WNT2: variants seen among roughly 807,000 people sequenced by gnomAD.
The protein encoded by WNT2 is protein Wnt-2.
In WNT2, 12 loss-of-function variants were observed where a neutral mutation model predicts 36.9. The observed-to-expected ratio is 0.33, with a 90% CI of 0.21 to 0.53. The LOEUF is 0.53. WNT2 is among the 20% of genes least tolerant of loss of function. The probability of loss-of-function intolerance (pLI) is 0.95; values close to 1 mark genes in which losing one functional copy is unlikely to be tolerated. For synonymous variants in WNT2, 163 were observed against 174.6 expected (o/e 0.93, Z 0.52); for missense variants, 379 against 473.1 (o/e 0.80, Z 1.84).
chr7:117,307,062 T>A (rs1322550625), intron 3 of WNT2, among the ~76,000 whole-genome samples: 1 of 152,136 alleles, frequency 6.6e-6, no homozygotes, highest in Non-Finnish European at 1.5e-5. Context: ...CATTTTTTAG[T>A]GTTCTTTTTT....
At chr7:117,282,059 A>T (rs1033662879) in intron 4 of WNT2, among the ~76,000 whole-genome samples, 3 of 152,210 alleles carry the variant, frequency 2.0e-5, no homozygotes, top group South Asian at 2.1e-4. Context: ...GTTTTGCAGC[A>T]GTAGATATCT....
At chr7:117,289,957 TTATGCTTGACCA>T (rs1228190359) in intron 4 of WNT2, among the ~76,000 whole-genome samples, 1 of 152,094 alleles carries the variant, frequency 6.6e-6, no homozygotes, top group Non-Finnish European at 1.5e-5. Flanking sequence ...ACTCGCAGGT[TTATGCTTGACCA>T]TGGAAGTGGG....
At chr7:117,315,845 A>C (rs2116387958) in intron 2 of WNT2, among the ~76,000 whole-genome samples, 1 of 152,342 alleles carries the variant, frequency 6.6e-6, no homozygotes, top group African/African-American at 2.4e-5. Flanking sequence ...TATGCACTTA[A>C]ATTATTGAGA....
chr7:117,317,368 A>G (rs1795242424), intron 2 of WNT2, among the ~76,000 whole-genome samples: 1 of 152,248 alleles, frequency 6.6e-6, no homozygotes, highest in Non-Finnish European at 1.5e-5. Flanking sequence ...TTTCCAAAGC[A>G]AAAATATGAC....
In WNT2 at chr7:117,284,862, G is replaced by A. The variant is rs552789139; in HGVS notation, c.854-6478C>T. 2.6e-5 allele frequency among the ~76,000 whole-genome samples: 4 copies of A among 152,364 alleles called. No individual in the cohort carries two copies. Among genetic ancestry groups the A allele is most frequent in the African/African-American group, 9.6e-5 (4 of 41,594 alleles). On this transcript the variant is annotated intron_variant, in intron 4 of 4. Coordinates refer to ENST00000265441, the MANE Select transcript of WNT2 (RefSeq NM_003391.3). This position sits in a 1 kb window ranked among gnomAD's most constrained non-coding sequence, Gnocchi z 5.2. ...GGAAATGGAGATTCAGGAAGATTAA[G>A]TAACTTGCCCAAGATCACACAGGCA...
intron 3 of WNT2, among the ~76,000 whole-genome samples, 161 bp from the exon 4 acceptor site, chr7:117,298,037 A>G (rs1794827825): frequency 6.6e-6 from 1 of 152,162 alleles, no homozygotes; most frequent in Non-Finnish European, 1.5e-5. Flanking sequence ...TGTTAGCCAC[A>G]TTAGCCACCT....
chr7:117,319,567 G>T (rs1275179580), intron 2 of WNT2, among the ~76,000 whole-genome samples: 1 of 151,800 alleles, frequency 6.6e-6, no homozygotes, highest in African/African-American at 2.4e-5. Flanking sequence ...TCCTATTTTG[G>T]GGGTTTGCAC....
At chr7:117,287,071 G>C (rs1280322134) in intron 4 of WNT2, among the ~76,000 whole-genome samples, 1 of 152,180 alleles carries the variant, frequency 6.6e-6, no homozygotes, top group Admixed American at 6.5e-5. Flanking sequence ...ACTCTCGGCC[G>C]GGCACGGTGG....
chr7:117,318,236 CT>C (rs35675994), intron 2 of WNT2, among the ~76,000 whole-genome samples: 1 of 152,186 alleles, frequency 6.6e-6, no homozygotes, highest in Non-Finnish European at 1.5e-5. Flanking sequence ...TAAGACGTAA[CT>C]TTTTCTCCAA....
intron 4 of WNT2, among the ~76,000 whole-genome samples, chr7:117,283,607 A>T (rs1794533593): frequency 6.6e-6 from 1 of 152,186 alleles, no homozygotes; most frequent in African/African-American, 2.4e-5. Flanking sequence ...TTTGTCCCCC[A>T]GATGCAGAAA....
intron 3 of WNT2, among the ~76,000 whole-genome samples, chr7:117,298,479 C>T (rs1289550601): frequency 6.6e-6 from 1 of 152,120 alleles, no homozygotes; most frequent in African/African-American, 2.4e-5. Context: ...ACTGCAAAGT[C>T]AGTTAGTGAC....
chr7:117,313,967 T>A (rs1795168090), intron 3 of WNT2, among the ~76,000 whole-genome samples: 1 of 152,226 alleles, frequency 6.6e-6, no homozygotes, highest in Non-Finnish European at 1.5e-5. Flanking sequence ...TAAATGAGAT[T>A]TGTTCTCTCC....
At chr7:117,291,045 T>A (rs17139618) in intron 4 of WNT2, among the ~76,000 whole-genome samples, 11 of 152,198 alleles carry the variant, frequency 7.2e-5, no homozygotes, top group African/African-American at 2.7e-4. Flanking sequence ...CCGGCATTCA[T>A]GAGCTTCTGC....
chr7:117,322,884 C>CT lies in WNT2; in HGVS notation c.83+22_83+23insA, dbSNP rs778039738. 2 of 1,612,550 alleles carry CT rather than the reference C, an allele frequency of 1.2e-6. No homozygotes were observed. The highest frequency in any genetic ancestry group is 2.7e-5 in the African/African-American group (2 of 74,866). On this transcript the variant is annotated intron_variant, in intron 1 of 4. Transcript: ENST00000265441. This position sits in a 1 kb window ranked among gnomAD's most constrained non-coding sequence, Gnocchi z 5.4. ...CCCCATTCCGATCTCCAAAATCCCC[C>CT]GCGCCCGTGCGCGTGGACTTACCAC...
At chr7:117,310,405 AAAAC>A (rs1429257974) in intron 3 of WNT2, among the ~76,000 whole-genome samples, 2 of 151,750 alleles carry the variant, frequency 1.3e-5, no homozygotes, top group Admixed American at 1.3e-4. Context: ...TCTCTACCAA[AAAAC>A]AAACAAACAA....
intron 4 of WNT2, among the ~76,000 whole-genome samples, chr7:117,286,384 G>T (rs1184576206): frequency 6.6e-6 from 1 of 151,924 alleles, no homozygotes; most frequent in African/African-American, 2.4e-5. Flanking sequence ...CCGGAGGAAG[G>T]GGTCCCTCCT....
intron 4 of WNT2, among the ~76,000 whole-genome samples, chr7:117,294,864 G>T (rs922502441): frequency 6.6e-6 from 1 of 152,226 alleles, no homozygotes; most frequent in Non-Finnish European, 1.5e-5. Flanking sequence ...GCTGAGGCAG[G>T]TGGATCACTT....
intron 4 of WNT2, among the ~76,000 whole-genome samples, chr7:117,292,332 G>A (rs1371944765): frequency 6.6e-6 from 1 of 151,912 alleles, no homozygotes; most frequent in Non-Finnish European, 1.5e-5. Context: ...GACGTAAGTG[G>A]CACAGTGAGA....
chr7:117,294,638 C>T (rs1001831819), intron 4 of WNT2, among the ~76,000 whole-genome samples: 1 of 145,992 alleles, frequency 6.8e-6, no homozygotes, highest in African/African-American at 2.5e-5. Context: ...GGTTAATCAA[C>T]ACCAACTGAG....
Sources: allele counts gnomAD v4.1 joint callset (sites outside exome capture counted in the v4.1 genomes callset), GRCh38; gene constraint gnomAD v4.1.1; non-coding constraint Gnocchi (gnomAD v3.1); transcripts MANE v1.5; gene names NCBI Gene and HGNC (gene_info 2026-07-23, HGNC 2026-07-21).